Variants in WASHC4 observed in about 807,000 individuals in gnomAD.
WASHC4 encodes the protein WASH complex subunit 4.
In WASHC4, 86 loss-of-function variants were observed where a neutral mutation model predicts 166.6. That is an observed-to-expected ratio of 0.52 (90% CI 0.43 to 0.62). WASHC4 has a LOEUF of 0.62. Among genes scored for constraint, WASHC4 ranks in the 20% least tolerant of loss-of-function variants. The pLI, the probability that WASHC4 is intolerant of heterozygous loss-of-function variation, is 0.00. For missense variants in WASHC4, 1,262 were observed against 1,382.4 expected (o/e 0.91, Z 1.38); for synonymous variants, 446 against 451.6 (o/e 0.99, Z 0.16).
In WASHC4 at chr12:105,162,791, TTAAA is replaced by T; in HGVS notation, c.3108_3111del (p.Asn1036LysfsTer22). The T allele has an allele frequency of 6.2e-7, 1 of 1,604,688 alleles. No homozygotes were observed. The highest frequency in any genetic ancestry group is 8.5e-7 in the Non-Finnish European group (1 of 1,173,564). The stretch of plus-strand genomic sequence containing the variant: ...GCATTCCATTAGTTGCAAGGAAAAA[TTAAA>T]TAAAAAAAATAAAATTGGAGCTGCC... On this transcript the variant is annotated frameshift_variant, in exon 30 of 33. Coordinates refer to ENST00000332180, the MANE Select transcript of WASHC4 (RefSeq NM_015275.3). LOFTEE classifies it high-confidence loss of function.
chr12:105,164,464 G>A (rs1884687083), intron 31 of WASHC4, 157 bp downstream of exon 31: 8 of 824,380 alleles, frequency 9.7e-6, no homozygotes, highest in Non-Finnish European at 1.6e-5. Flanking sequence ...GTGCTATTTG[G>A]AAGCCATTTG....
At chr12:105,108,061 C>T (rs1879252638) in intron 1 of WASHC4, among the ~76,000 whole-genome samples, 200 bp downstream of exon 1, 1 of 152,162 alleles carries the variant, frequency 6.6e-6, no homozygotes, top group Non-Finnish European at 1.5e-5. Flanking sequence ...GGTCAGGCTG[C>T]CCGTTCAGGG....
In WASHC4 at chr12:105,143,173, C is replaced by T. The variant is rs1193155938; in HGVS notation, c.1940C>T (p.Ala647Val). The change falls in exon 20 of 33, where the codon GCA becomes GTA. Residue 647 changes from alanine to valine, a missense_variant. Transcript: ENST00000332180. ...GACTGTGTACCTGCTATGATGCATG[C>T]AAGGCATTTAGAGTCCTATGAGATA... Reference protein sequence around the residue: ...LRDCVPAMMHARHLESYEILL... With the variant: ...LRDCVPAMMHVRHLESYEILL... 6.2e-7 allele frequency: 1 copy of T among 1,611,604 alleles called. No individual in the cohort carries two copies. The highest frequency in any genetic ancestry group is 8.5e-7 in the Non-Finnish European group (1 of 1,178,250).
At chr12:105,163,051 G>C (rs1458841390) in intron 30 of WASHC4, among the ~76,000 whole-genome samples, 1 of 151,868 alleles carries the variant, frequency 6.6e-6, no homozygotes, top group East Asian at 1.9e-4. Context: ...CCGCCTCCTG[G>C]GTTCACACCA....
Position 105,115,646 on chromosome 12 carries a change from T to C in WASHC4, c.368-15T>C. The C allele has an allele frequency of 3.1e-6, 5 of 1,589,354 alleles. No individual in the cohort carries two copies. Among genetic ancestry groups the C allele is most frequent in the Non-Finnish European group, 4.3e-6 (5 of 1,157,764 alleles). On this transcript the variant is annotated splice_polypyrimidine_tract_variant and intron_variant, in intron 5 of 32. Transcript: ENST00000332180. ...TTAAAAAATGAAATATGCTTATTCA[T>C]GTTGCCTTTTACAGCTACAGATGCC...
At chr12:105,139,152 A>G (rs537002320) in intron 15 of WASHC4, among the ~76,000 whole-genome samples, 2 of 151,708 alleles carry the variant, frequency 1.3e-5, no homozygotes, top group East Asian at 3.9e-4. Flanking sequence ...TTTGTTTTTT[A>G]CTCAGCATTT....
At chr12:105,109,748 G>A (rs561753279) in intron 1 of WASHC4, among the ~76,000 whole-genome samples, 1 of 150,478 alleles carries the variant, frequency 6.6e-6, no homozygotes, top group African/African-American at 2.5e-5. Flanking sequence ...CTGAGCTCAG[G>A]TGATCTTCCT....
chr12:105,129,890 TA>T (rs1468574843), intron 13 of WASHC4, among the ~76,000 whole-genome samples: 5 of 152,198 alleles, frequency 3.3e-5, no homozygotes, highest in Non-Finnish European at 5.9e-5. Context: ...GCTTTAAACA[TA>T]CCATGTTCCA....
chr12:105,145,370 A>T (rs1394939996), intron 22 of WASHC4, among the ~76,000 whole-genome samples: 2 of 151,922 alleles, frequency 1.3e-5, no homozygotes, highest in Non-Finnish European at 2.9e-5. Flanking sequence ...TGTCTCATGA[A>T]TGTAATAATT....
At chr12:105,117,803 T>C (rs776639647) in intron 6 of WASHC4, among the ~76,000 whole-genome samples, 2 of 152,178 alleles carry the variant, frequency 1.3e-5, no homozygotes, top group African/African-American at 4.8e-5. Context: ...ACACACTGTT[T>C]CTATAGGTTT....
At chr12:105,143,851 T>G (rs936371571) in intron 20 of WASHC4, among the ~76,000 whole-genome samples, 4 of 152,020 alleles carry the variant, frequency 2.6e-5, no homozygotes, top group Non-Finnish European at 5.9e-5. Flanking sequence ...GTATTACGTA[T>G]TCTTATTTAG....
chr12:105,161,037 A>G (rs901591993), intron 29 of WASHC4, among the ~76,000 whole-genome samples: 2 of 152,196 alleles, frequency 1.3e-5, no homozygotes, highest in African/African-American at 4.8e-5. Flanking sequence ...GGTATATATT[A>G]GTAATAAGAG....
intron 12 of WASHC4, 112 bp from the exon 13 acceptor site, chr12:105,127,017 G>A: frequency 1.2e-6 from 1 of 865,586 alleles, no homozygotes; most frequent in South Asian, 1.5e-5. Flanking sequence ...TATTTTTTGT[G>A]GTTATTTTTT....
chr12:105,133,986 T>A (rs868323285), intron 14 of WASHC4, 90 bp downstream of exon 14: 2 of 1,257,216 alleles, frequency 1.6e-6, no homozygotes, highest in Non-Finnish European at 2.3e-6. Context: ...GGGTAGAGTA[T>A]GTTTTTGTTT....
chr12:105,166,703 G>A (rs773861420), intron 32 of WASHC4, among the ~76,000 whole-genome samples, 161 bp from the exon 33 acceptor site: 11 of 152,156 alleles, frequency 7.2e-5, no homozygotes, highest in Non-Finnish European at 1.0e-4. Context: ...AAATTTTAAA[G>A]TGTAAACAAG....
intron 13 of WASHC4, among the ~76,000 whole-genome samples, chr12:105,128,668 A>G (rs1881508434): frequency 6.6e-6 from 1 of 152,214 alleles, no homozygotes; most frequent in African/African-American, 2.4e-5. Context: ...ATATAATGCA[A>G]ATATTCCAAG....
At chr12:105,120,076 G>A (rs950890305) in intron 7 of WASHC4, among the ~76,000 whole-genome samples, 1 of 151,964 alleles carries the variant, frequency 6.6e-6, no homozygotes, top group Non-Finnish European at 1.5e-5. Context: ...CCACAAAAAG[G>A]AAAAACAAAA....
intron 13 of WASHC4, among the ~76,000 whole-genome samples, chr12:105,128,014 A>G (rs1395043350): frequency 6.6e-6 from 1 of 152,182 alleles, no homozygotes; most frequent in Non-Finnish European, 1.5e-5. Context: ...TAACTTGGAT[A>G]AAGCTTTTGA....
At chr12:105,146,950 G>A in intron 23 of WASHC4, 92 bp from the exon 24 acceptor site, 1 of 763,214 alleles carries the variant, frequency 1.3e-6, no homozygotes, top group South Asian at 1.4e-5. Flanking sequence ...TGTCTTTAAT[G>A]AAATAGATTC....
Sources: gnomAD v4.1 joint callset for allele counts (sites outside exome capture counted in the v4.1 genomes callset) on GRCh38, gnomAD v4.1.1 for gene constraint, MANE v1.5 for transcripts, NCBI Gene and HGNC (gene_info 2026-07-23, HGNC 2026-07-21) for gene names.